Variants in ARID2 observed in about 807,000 individuals in gnomAD.
ARID2 encodes AT-rich interactive domain-containing protein 2.
In ARID2, 32 loss-of-function variants were observed where a neutral mutation model predicts 184.6. The observed-to-expected ratio is 0.17, with a 90% CI of 0.13 to 0.23. The LOEUF (loss-of-function observed/expected upper bound fraction) is 0.23, where lower values mean the gene tolerates loss of function less well. Among genes scored for constraint, ARID2 ranks in the 10% least tolerant of loss-of-function variants. ARID2 has a pLI of 1.00. For synonymous variants in ARID2, 836 were observed against 772.6 expected (o/e 1.08, Z -1.36); for missense variants, 1,696 against 2,197.6 (o/e 0.77, Z 4.56).
chr12:45,884,594 TTCACAGACCGGCGGG>T (rs1944157155), intron 16 of ARID2, among the ~76,000 whole-genome samples: 1 of 152,198 alleles, frequency 6.6e-6, no homozygotes, highest in Non-Finnish European at 1.5e-5. Flanking sequence ...AAGTGACTGC[TTCACAGACCGGCGGG>T]TTAATAGCAC....
chr12:45,776,747 C>T (rs181768292), intron 3 of ARID2, among the ~76,000 whole-genome samples: 3 of 148,292 alleles, frequency 2.0e-5, no homozygotes, highest in Admixed American at 1.3e-4. Context: ...CCCAGGAGTT[C>T]GAGACCAGCC....
At chr12:45,846,489 G>C (rs922575025) in intron 11 of ARID2, among the ~76,000 whole-genome samples, 21 of 152,214 alleles carry the variant, frequency 1.4e-4, no homozygotes, top group Admixed American at 9.8e-4. Flanking sequence ...TTGAGTCTCA[G>C]TTTTCTTATC....
At chr12:45,778,529 A>C (rs1021816478) in intron 3 of ARID2, among the ~76,000 whole-genome samples, 1 of 152,150 alleles carries the variant, frequency 6.6e-6, no homozygotes. Flanking sequence ...CAGAGAGAGT[A>C]ATAATAAGAA....
In ARID2 at chr12:45,846,915, A is replaced by G. The variant is rs772967696; in HGVS notation, c.1558A>G (p.Ser520Gly). 1.2e-6 allele frequency: 2 copies of G among 1,613,148 alleles called. No homozygotes were observed. Among genetic ancestry groups the G allele is most frequent in the Non-Finnish European group, 1.7e-6 (2 of 1,179,332 alleles). ...APPPGIVEID[S>G]EKFACQWLNA... ...ACCTCCAGGAATAGTGGAAATAGATAGTGAGAAGTTTGCTTGTCAGTGGTA... is the reference window on the plus strand; with the variant it reads ...ACCTCCAGGAATAGTGGAAATAGATGGTGAGAAGTTTGCTTGTCAGTGGTA... The change falls in exon 12 of 21, where the codon AGT (serine) becomes GGT (glycine). Residue 520 changes from serine to glycine, a missense_variant. Physicochemically the swap from Ser to Gly is moderately conservative, Grantham distance 56. Coordinates refer to ENST00000334344, the MANE Select transcript of ARID2 (RefSeq NM_152641.4).
intron 3 of ARID2, among the ~76,000 whole-genome samples, chr12:45,795,942 A>G (rs1942385045): frequency 6.6e-6 from 1 of 152,000 alleles, no homozygotes; most frequent in Non-Finnish European, 1.5e-5. Flanking sequence ...ATTCCTAGAA[A>G]AGCTGTTTTA....
At chr12:45,781,636 G>A (rs1942091911) in intron 3 of ARID2, among the ~76,000 whole-genome samples, 1 of 151,754 alleles carries the variant, frequency 6.6e-6, no homozygotes, top group Admixed American at 6.6e-5. Flanking sequence ...CCATAACTCT[G>A]CTTTTCAGGC....
chr12:45,884,461 C>T (rs1944154243), intron 16 of ARID2, among the ~76,000 whole-genome samples: 1 of 152,182 alleles, frequency 6.6e-6, no homozygotes, highest in Admixed American at 6.5e-5. Context: ...GCTTTCATAG[C>T]ACTTTTCAAA....
chr12:45,857,813 G>C (rs1197757667), intron 15 of ARID2, among the ~76,000 whole-genome samples: 2 of 151,894 alleles, frequency 1.3e-5, no homozygotes, highest in Non-Finnish European at 2.9e-5. Flanking sequence ...AGGCTGGAGT[G>C]CAGTGGCACA....
At chr12:45,822,890 C>T (rs1275757946) in intron 6 of ARID2, among the ~76,000 whole-genome samples, 1 of 152,144 alleles carries the variant, frequency 6.6e-6, no homozygotes, top group Non-Finnish European at 1.5e-5. Flanking sequence ...ACTTTACTCA[C>T]TTTCAGCATT....
Position 45,852,652 on chromosome 12 carries a change from C to T in ARID2, c.4529C>T (p.Ala1510Val), listed in dbSNP as rs1169729776. Residue 1510 changes from alanine to valine, a missense_variant, in exon 15 of 21, where the codon GCA (alanine) becomes GTA (valine). This residue lies in a region of ARID2 where 428 missense variants were observed against 409.1 expected (regional missense o/e 1.05). Coordinates refer to ENST00000334344, the MANE Select transcript of ARID2 (RefSeq NM_152641.4). ...SSDVRSTNGT[A>V]ECKTVKRPAE... The stretch of plus-strand genomic sequence containing the variant: ...GACGTTCGGTCTACAAATGGCACAG[C>T]AGAATGCAAAACTGTAAAGAGGCCA... 1.2e-6 allele frequency: 2 copies of T among 1,614,052 alleles called. No individual in the cohort carries two copies. Among genetic ancestry groups the T allele is most frequent in the Non-Finnish European group, 1.7e-6 (2 of 1,180,014 alleles).
intron 20 of ARID2, among the ~76,000 whole-genome samples, chr12:45,903,676 T>A (rs1200244674): frequency 6.6e-6 from 1 of 152,210 alleles, no homozygotes. Context: ...CTCCAGTCCC[T>A]ACATTAAATT....
At chr12:45,755,681 C>G (rs1941554934) in intron 3 of ARID2, among the ~76,000 whole-genome samples, 1 of 152,102 alleles carries the variant, frequency 6.6e-6, no homozygotes. Context: ...TATCTTCTTC[C>G]TCTGTGCTGG....
intron 16 of ARID2, among the ~76,000 whole-genome samples, chr12:45,861,253 G>T (rs568520724): frequency 3.1e-3 from 473 of 151,974 alleles, no homozygotes; most frequent in Non-Finnish European, 5.5e-3. Flanking sequence ...GCTTTTTTTT[G>T]TTGTTTTTGT....
intron 16 of ARID2, among the ~76,000 whole-genome samples, chr12:45,872,718 A>G (rs966471912): frequency 6.6e-6 from 1 of 152,208 alleles, no homozygotes; most frequent in African/African-American, 2.4e-5. Context: ...ATCAATTACT[A>G]TTTAATTCCA....
intron 3 of ARID2, among the ~76,000 whole-genome samples, chr12:45,735,083 A>G (rs1003261657): frequency 6.6e-6 from 1 of 150,776 alleles, no homozygotes; most frequent in Admixed American, 6.6e-5. Context: ...ACCATAGTAC[A>G]TTTTCAATCG....
At chr12:45,853,607 A>G (rs1270865148) in intron 15 of ARID2, among the ~76,000 whole-genome samples, 5 of 152,324 alleles carry the variant, frequency 3.3e-5, no homozygotes, top group Non-Finnish European at 7.4e-5. Flanking sequence ...GATTTTAAGG[A>G]CAATCTTATA....
rs1469259334 is a variant in ARID2 at position 45,730,170 on chromosome 12, C to T, written c.186+33C>T. The T allele has an allele frequency of 1.1e-5, 17 of 1,604,778 alleles. No homozygotes were observed. The Middle Eastern group carries it at 7.8e-4, about 74-fold the overall frequency. On this transcript the variant is annotated intron_variant, in intron 2 of 20. Transcript: ENST00000334344. ...GAAGTTTTAATTTGTATTTCCCTCT[C>T]GCTGGCCTCCTCCAAAAAGTCTCCT...
chr12:45,874,767 T>C (rs530456871), intron 16 of ARID2, among the ~76,000 whole-genome samples: 1 of 152,308 alleles, frequency 6.6e-6, no homozygotes, highest in African/African-American at 2.4e-5. Context: ...GATTTTCAAT[T>C]TACTTTGCCA....
intron 3 of ARID2, among the ~76,000 whole-genome samples, chr12:45,810,598 A>G (rs1162228725): frequency 6.6e-6 from 1 of 152,188 alleles, no homozygotes; most frequent in Non-Finnish European, 1.5e-5. Flanking sequence ...AAAGAATGTT[A>G]CAAAAGAATG....
Sources: gnomAD v4.1 joint callset for allele counts (sites outside exome capture counted in the v4.1 genomes callset) on GRCh38, gnomAD v4.1.1 for gene constraint, gnomAD v4.1.1 regional missense constraint, MANE v1.5 for transcripts, NCBI Gene and HGNC (gene_info 2026-07-23, HGNC 2026-07-21) for gene names.